The following PHLPP2 variants were observed in gnomAD, a reference collection of about 807,000 sequenced individuals.
PHLPP2 encodes the protein PH domain leucine-rich repeat-containing protein phosphatase 2.
A neutral mutation model predicts 124.9 loss-of-function variants in PHLPP2; 66 were observed. That is an observed-to-expected ratio of 0.53 (90% CI 0.43 to 0.65). The LOEUF (loss-of-function observed/expected upper bound fraction) is 0.65. Among genes scored for constraint, PHLPP2 ranks in the 30% least tolerant of loss-of-function variants. The pLI, the probability that PHLPP2 is intolerant of heterozygous loss-of-function variation, is 0.00. For synonymous variants in PHLPP2, 681 were observed against 624.7 expected (o/e 1.09, Z -1.34); for missense variants, 1,685 against 1,600.4 (o/e 1.05, Z -0.90).
rs1395437838 is a variant in PHLPP2, at chr16:71,648,911, C to T, written c.3951G>A (p.Glu1317=). 2 of 1,612,442 alleles carry T rather than the reference C, an allele frequency of 1.2e-6. No individual in the cohort carries two copies. The highest frequency in any genetic ancestry group is 4.5e-5 in the East Asian group (2 of 44,890). The part of the protein sequence containing the change: ...PHEEDRTEPP[E]EFDTAL Reference sequence around the variant, plus strand: ...GCAGTCATAGTGCTGTGTCGAACTCCTCCGGGGGCTCGGTCCGATCCTCTT... The same window carrying T: ...GCAGTCATAGTGCTGTGTCGAACTCTTCCGGGGGCTCGGTCCGATCCTCTT... Residue 1317 remains glutamate (E), a synonymous_variant, in exon 19 of 19, where the codon GAG becomes GAA. Coordinates refer to ENST00000568954, the MANE Select transcript of PHLPP2 (RefSeq NM_015020.3).
At chr16:71,652,212 T>C (rs1307424429) in intron 18 of PHLPP2, among the ~76,000 whole-genome samples, 1 of 152,244 alleles carries the variant, frequency 6.6e-6, no homozygotes, top group Non-Finnish European at 1.5e-5. Context: ...TTTACAGTTC[T>C]CAAAAGATCT....
At chr16:71,717,531 G>A (rs2045371045) in intron 1 of PHLPP2, among the ~76,000 whole-genome samples, 1 of 152,180 alleles carries the variant, frequency 6.6e-6, no homozygotes, top group African/African-American at 2.4e-5. Context: ...ATCTCAGAAT[G>A]AAAGGGCTTT....
At chr16:71,655,503 CTT>C (rs1224203746) in intron 16 of PHLPP2, 69 bp from the exon 17 acceptor site, 28,199 of 764,958 alleles carry the variant, frequency 0.037, no homozygotes, top group South Asian at 0.052. Context: ...AGGGAGCATT[CTT>C]TTTTTTTTTT....
intron 13 of PHLPP2, among the ~76,000 whole-genome samples, chr16:71,659,701 C>G (rs1157456345): frequency 2.0e-5 from 3 of 152,240 alleles, no homozygotes; most frequent in Non-Finnish European, 4.4e-5. Flanking sequence ...CTGAGCAAAG[C>G]TTTCTACATG....
chr16:71,687,800 AT>A (rs2045067907), intron 4 of PHLPP2, among the ~76,000 whole-genome samples: 1 of 151,998 alleles, frequency 6.6e-6, no homozygotes, highest in Non-Finnish European at 1.5e-5. Context: ...TTCAGCTATT[AT>A]TTTTTCAGAT....
At chr16:71,715,029 T>C in intron 1 of PHLPP2, 1 of 563,490 alleles carries the variant, frequency 1.8e-6, no homozygotes, top group Non-Finnish European at 3.1e-6. Context: ...TTGACCTCTC[T>C]TTTCCTTGTG....
At chr16:71,661,874 G>C (rs1310605381) in intron 13 of PHLPP2, among the ~76,000 whole-genome samples, 9 of 151,940 alleles carry the variant, frequency 5.9e-5, no homozygotes, top group African/African-American at 9.7e-5. Flanking sequence ...CCAGGTTGGA[G>C]TTGCAGTGAT....
chr16:71,677,487 T>C (rs2044957840), intron 8 of PHLPP2: 1 of 85,262 alleles, frequency 1.2e-5, no homozygotes, highest in Non-Finnish European at 2.4e-5. Context: ...TATATATATA[T>C]ATATATGGAA....
chr16:71,680,933 T>C (rs908665696), intron 6 of PHLPP2, among the ~76,000 whole-genome samples: 1 of 152,164 alleles, frequency 6.6e-6, no homozygotes, highest in Non-Finnish European at 1.5e-5. Context: ...AACTACCTCA[T>C]TACTAAACAG....
intron 8 of PHLPP2, chr16:71,677,969 T>C (rs901258867): frequency 6.6e-6 from 1 of 152,134 alleles, no homozygotes; most frequent in Non-Finnish European, 1.5e-5. Context: ...ACTAGACTGA[T>C]GATAAATAAA....
chr16:71,705,574 C>T (rs1012957351), intron 2 of PHLPP2, among the ~76,000 whole-genome samples: 1 of 151,806 alleles, frequency 6.6e-6, no homozygotes, highest in Non-Finnish European at 1.5e-5. Context: ...TGCAGTGGTG[C>T]GATCTTGGTT....
rs756642820 is a variant in PHLPP2 at position 71,719,964 on chromosome 16, A to ATTTTTTTTTTTTT, written c.-7+4352_-7+4364dup. ...AGGTGCACAACACCATGCCCAGCTA[A>ATTTTTTTTTTTTT]TTTTTTTTTTTTTTTTTTTTTTTTG... On this transcript the variant is annotated intron_variant, in intron 1 of 18. Transcript: ENST00000568954. Among the ~76,000 whole-genome samples, 418 of 53,242 alleles carry ATTTTTTTTTTTTT rather than the reference A, an allele frequency of 7.9e-3. 53 individuals carry two copies. The highest frequency in any genetic ancestry group is 9.7e-3 in the Non-Finnish European group (316 of 32,446). 34.9% of individuals were successfully genotyped at this position (53,242 alleles called of 152,430 possible).
In PHLPP2 at chr16:71,679,422, T is replaced by C. The variant is rs779439999; in HGVS notation, c.1004A>G (p.His335Arg). ...ATTGCCAATTTGACTTGGTAGGTCA[T>C]GAAATCCATTACAGGAAAGGTTGAG... is the stretch of plus-strand genomic sequence containing the variant. ...TELNLSCNGF[H>R]DLPSQIGNLL... Residue 335 changes from histidine (H) to arginine (R), a missense_variant, in exon 7 of 19, where the codon CAT becomes CGT. Physicochemically the swap from His to Arg is conservative, Grantham distance 29. Transcript: ENST00000568954. The C allele has an allele frequency of 3.1e-6, 5 of 1,613,968 alleles. No homozygotes were observed. The highest frequency in any genetic ancestry group is 1.3e-5 in the African/African-American group (1 of 75,026).
In PHLPP2 at chr16:71,664,074, T is replaced by C; in HGVS notation, c.1810A>G (p.Asn604Asp). ...GCGGATGGTAAAGACTCCAGACTAT[T>C]TGCAGATGCATTCAAGTATCTGAGA... is the stretch of plus-strand genomic sequence containing the variant. ...LNLRYLNASA[N>D]SLESLPSACT... The change falls in exon 13 of 19, where the codon AAT (asparagine) becomes GAT (aspartate). Residue 604 changes from asparagine to aspartate, a missense_variant. Physicochemically the swap from Asn to Asp is conservative, Grantham distance 23. Coordinates refer to ENST00000568954, the MANE Select transcript of PHLPP2 (RefSeq NM_015020.3). The C allele has an allele frequency of 6.2e-7, 1 of 1,613,460 alleles. No homozygotes were observed. The highest frequency in any genetic ancestry group is 8.5e-7 in the Non-Finnish European group (1 of 1,179,362).
Position 71,649,935 on chromosome 16 carries a change from T to G in PHLPP2, c.2927A>C (p.Gln976Pro), listed in dbSNP as rs761074301. The G allele has an allele frequency of 1.4e-5, 23 of 1,614,220 alleles. No individual in the cohort carries two copies. Among genetic ancestry groups the G allele is most frequent in the Non-Finnish European group, 1.7e-5 (20 of 1,180,026 alleles). Residue 976 changes from glutamine to proline, a missense_variant, in exon 19 of 19, where the codon CAA becomes CCA. By Grantham distance (76) the Gln-to-Pro change is moderately conservative. Coordinates refer to ENST00000568954, the MANE Select transcript of PHLPP2 (RefSeq NM_015020.3). ...GTTTCCCAGAATCAGCAACTCATCT[T>G]GAATGGTCAGCGGAGTGGAAGATAT... ...PHISSTPLTIQDELLILGNKA... is the reference protein window; with the variant it reads ...PHISSTPLTIPDELLILGNKA...
Position 71,649,577 on chromosome 16 carries a change from G to A in PHLPP2, c.3285C>T (p.Ser1095=). ...STSEVSSEVG[S]TASDEHNAGG... is the part of the protein sequence containing the mutation. ...CAGCATTATGCTCATCAGAAGCAGT[G>A]GACCCCACTTCACTGCTCACCTCTG... Residue 1095 remains serine (S), a synonymous_variant, in exon 19 of 19, where the codon TCC becomes TCT. Transcript: ENST00000568954. The A allele has an allele frequency of 6.2e-7, 1 of 1,614,148 alleles. No homozygotes were observed. The highest frequency in any genetic ancestry group is 1.7e-5 in the Admixed American group (1 of 60,016).
rs2044647449 is a variant in PHLPP2, at chr16:71,645,524, A to T, written c.*3366T>A. The T allele has an allele frequency of 6.6e-6, 1 of 152,626 alleles. No homozygotes were observed. The allele number at this position is 152,626 out of a possible 1,614,324, so 9.5% of individuals were successfully genotyped here. A position where few individuals can be genotyped will look rare whatever the true frequency, so the allele number is the denominator to read the frequency against. On this transcript the variant is annotated 3_prime_UTR_variant, in exon 19 of 19. Transcript: ENST00000568954. ...CCTTATGGAGGTCTCTTCATTAATAATTATTGGATAGATAGAGAAGGTGAG... is the reference window on the plus strand; with the variant it reads ...CCTTATGGAGGTCTCTTCATTAATATTTATTGGATAGATAGAGAAGGTGAG...
At chr16:71,697,890 C>T (rs1239089809) in intron 3 of PHLPP2, among the ~76,000 whole-genome samples, 5 of 149,922 alleles carry the variant, frequency 3.3e-5, no homozygotes, top group African/African-American at 4.9e-5. Context: ...CTCTGTCGCC[C>T]AGGCTGGAGT....
chr16:71,672,548 G>A (rs541963242), intron 9 of PHLPP2, among the ~76,000 whole-genome samples: 1 of 152,318 alleles, frequency 6.6e-6, no homozygotes, highest in South Asian at 2.1e-4. Context: ...GTACTGCACT[G>A]CCTTTATACA....
Sources: gnomAD v4.1 joint callset for allele counts (sites outside exome capture counted in the v4.1 genomes callset) on GRCh38, gnomAD v4.1.1 for gene constraint, MANE v1.5 for transcripts, NCBI Gene and HGNC (gene_info 2026-07-23, HGNC 2026-07-21) for gene names.